Variants in DMPK observed in about 807,000 individuals in gnomAD.
The protein encoded by DMPK is myotonin-protein kinase.
Under a neutral mutation model 70.3 loss-of-function variants are expected in DMPK, and 32 were observed. The observed-to-expected ratio is 0.46, with a 90% CI of 0.34 to 0.61. DMPK has a LOEUF of 0.61. Ranked by LOEUF, DMPK falls within the 20% of genes least tolerant of loss-of-function variation. The pLI is 0.01. For missense variants in DMPK, 899 were observed against 886.0 expected, an observed-to-expected ratio of 1.01 and a Z score of -0.19; for synonymous variants, 469 against 390.9, an observed-to-expected ratio of 1.20 and a Z score of -2.36.
At position 45,777,138 on chromosome 19, in the gene DMPK, G is replaced by T; in HGVS notation, c.1146+189C>A. On this transcript the variant is annotated intron_variant, in intron 8 of 14. Coordinates refer to ENST00000291270, the MANE Select transcript of DMPK (RefSeq NM_004409.5). The surrounding 1 kb of genome is among the most constrained non-coding windows in gnomAD (Gnocchi z 6.7). ...TCTGGGGCCTTACTGTCTGAAGACT[G>T]CTCTGTGTTCCCCCACTGGACTGTA... The T allele has an allele frequency of 2.6e-6, 2 of 783,706 alleles. No individual in the cohort carries two copies. Among genetic ancestry groups the T allele is most frequent in the African/African-American group, 1.7e-5 (1 of 57,284 alleles). The allele number at this position is 783,706 out of a possible 1,614,324, so 48.5% of individuals were successfully genotyped here.
intron 11 of DMPK, 31 bp from the exon 12 acceptor site, chr19:45,771,696 C>T (rs757602115): frequency 1.9e-6 from 3 of 1,612,864 alleles, no homozygotes; most frequent in African/African-American, 1.3e-5. Flanking sequence ...TGAGTCCGTC[C>T]GGGCCGGACG....
intron 1 of DMPK, 41 bp downstream of exon 1, chr19:45,782,152 C>A (rs937862459): frequency 3.7e-6 from 4 of 1,078,330 alleles, no homozygotes; most frequent in Non-Finnish European, 3.8e-6. Flanking sequence ...TCCTGCCCCA[C>A]CCCCACCCCA....
At chr19:45,771,298 G>A (rs942992614) in intron 13 of DMPK, 52 bp downstream of exon 13, 1 of 1,554,330 alleles carries the variant, frequency 6.4e-7, no homozygotes, top group East Asian at 2.3e-5. Flanking sequence ...CCAGGGAGGG[G>A]ATCTGCAGAA....
chr19:45,778,319 C>G (rs1051400315), intron 5 of DMPK, 99 bp from the exon 6 acceptor site: 2 of 1,383,298 alleles, frequency 1.4e-6, no homozygotes, highest in Admixed American at 2.0e-5. Context: ...GACCCCACTT[C>G]CTCGGGTTCC....
At position 45,770,251 on chromosome 19, in the gene DMPK, AGCAGCAGCAGCAGC is replaced by A; in HGVS notation, c.*223_*236del. 1.5e-4 allele frequency: 65 copies of A among 438,874 alleles called. 3 individuals are homozygous for A. Among genetic ancestry groups the A allele is most frequent in the Non-Finnish European group, 1.8e-4 (54 of 294,284 alleles). The allele number at this position is 438,874 out of a possible 1,614,324, so 27.2% of individuals were successfully genotyped here. The stretch of plus-strand genomic sequence containing the variant: ...CAGCAGCAGCAGCAGCAGCAGCAGC[AGCAGCAGCAGCAGC>A]ATTCCCGGCTACAAGGACCCTTCGA... On this transcript the variant is annotated 3_prime_UTR_variant, in exon 15 of 15. Coordinates refer to ENST00000291270, the MANE Select transcript of DMPK (RefSeq NM_004409.5).
intron 9 of DMPK, among the ~76,000 whole-genome samples, chr19:45,773,971 T>C (rs1429576780): frequency 6.6e-6 from 1 of 151,336 alleles, no homozygotes; most frequent in African/African-American, 2.4e-5. Flanking sequence ...TTTTTTTTTT[T>C]TTGAGATGAA....
intron 9 of DMPK, among the ~76,000 whole-genome samples, chr19:45,774,557 C>T (rs930059949): frequency 6.6e-6 from 1 of 152,154 alleles, no homozygotes; most frequent in Non-Finnish European, 1.5e-5. Context: ...CCACCGCGGC[C>T]CGCCTAAATT....
chr19:45,770,411 G>A lies in DMPK; in HGVS notation c.*77C>T, dbSNP rs1969309818. ...CGGAGCGGTTGTGAACTGGCAGGCGGTGGGCGCGGCTTCTGTGCCGTGCCC... is the reference window on the plus strand; with the variant it reads ...CGGAGCGGTTGTGAACTGGCAGGCGATGGGCGCGGCTTCTGTGCCGTGCCC... On this transcript the variant is annotated 3_prime_UTR_variant, in exon 15 of 15. Coordinates refer to ENST00000291270, the MANE Select transcript of DMPK (RefSeq NM_004409.5). 3.3e-6 allele frequency: 5 copies of A among 1,508,650 alleles called. No individual in the cohort carries two copies. The South Asian group carries it at 6.0e-5, about 18-fold the overall frequency. 93.5% of individuals were successfully genotyped at this position (1,508,650 alleles called of 1,614,324 possible).
Position 45,782,175 on chromosome 19 carries a change from C to A in DMPK, c.160+18G>T. ...CACCCCCACCCCATCTGCAGGAGCC[C>A]CGAGGGTAGGCACTCACCCCACTGC... On this transcript the variant is annotated intron_variant, in intron 1 of 14. Transcript: ENST00000291270. The A allele has an allele frequency of 6.7e-7, 1 of 1,483,542 alleles. No homozygotes were observed. The highest frequency in any genetic ancestry group is 9.0e-7 in the Non-Finnish European group (1 of 1,111,472). 91.9% of individuals were successfully genotyped at this position (1,483,542 alleles called of 1,614,324 possible). A position where few individuals can be genotyped will look rare whatever the true frequency, so the allele number is the denominator to read the frequency against.
At chr19:45,778,028 A>T in intron 6 of DMPK, 99 bp downstream of exon 6, 2 of 1,254,992 alleles carry the variant, frequency 1.6e-6, no homozygotes, top group Non-Finnish European at 2.3e-6. Context: ...GGGTCACACC[A>T]CCTCTTTTCC....
chr19:45,780,634 C>T, intron 1 of DMPK: 1 of 1,001,568 alleles, frequency 1.0e-6, no homozygotes, highest in Non-Finnish European at 1.2e-6. Context: ...GAGGCCTGGA[C>T]TCCCGGGGGT....
Position 45,779,451 on chromosome 19 carries a change from C to T in DMPK, c.324G>A (p.Leu108=). The T allele has an allele frequency of 6.2e-7, 1 of 1,614,010 alleles. No homozygotes were observed. The highest frequency in any genetic ancestry group is 1.3e-5 in the African/African-American group (1 of 75,036). Residue 108 remains leucine, a synonymous_variant, in exon 3 of 15, where the codon CTG becomes CTA. Coordinates refer to ENST00000291270, the MANE Select transcript of DMPK (RefSeq NM_004409.5). ...AMKIMNKWDM[L]KRGEVSCFRE... ...CCCAGCCCCTCACCTCGCCCCTCTT[C>T]AGCATGTCCCACTTGTTCATGATCT...
chr19:45,774,547 C>A (rs1969670185), intron 9 of DMPK, among the ~76,000 whole-genome samples: 1 of 152,190 alleles, frequency 6.6e-6, no homozygotes, highest in Admixed American at 6.5e-5. Flanking sequence ...CAGGCGTGAG[C>A]CACCGCGGCC....
intron 1 of DMPK, chr19:45,780,140 T>G (rs879679028): frequency 7.0e-7 from 1 of 1,435,792 alleles, no homozygotes; most frequent in African/African-American, 1.4e-5. Flanking sequence ...ATGGTTAGGG[T>G]GGGGTAACGG....
chr19:45,773,344 C>CT (rs1216840906), intron 9 of DMPK, among the ~76,000 whole-genome samples: 1 of 152,196 alleles, frequency 6.6e-6, no homozygotes, highest in African/African-American at 2.4e-5. Flanking sequence ...GGGTTCAATC[C>CT]TGACCCACCG....
intron 6 of DMPK, 34 bp downstream of exon 6, chr19:45,778,093 C>T (rs1257515984): frequency 5.2e-6 from 8 of 1,549,416 alleles, no homozygotes; most frequent in Middle Eastern, 3.4e-4. Context: ...TCATCAGCAG[C>T]CCCAGTTGCT....
In DMPK at chr19:45,771,760, C is replaced by G; in HGVS notation, c.1502+11G>C. 1 of 1,582,602 alleles carries G rather than the reference C, an allele frequency of 6.3e-7. No individual in the cohort carries two copies. The highest frequency in any genetic ancestry group is 8.6e-7 in the Non-Finnish European group (1 of 1,163,908). On this transcript the variant is annotated intron_variant, in intron 11 of 14. Coordinates refer to ENST00000291270, the MANE Select transcript of DMPK (RefSeq NM_004409.5). ...CCGCATCCCGGCCCCGGCCCCGGCC[C>G]CGATCCCGACCTGGCGAAGTTCTGG...
chr19:45,778,802 C>A, intron 4 of DMPK, 161 bp from the exon 5 acceptor site: 1 of 728,898 alleles, frequency 1.4e-6, no homozygotes, highest in Non-Finnish European at 2.2e-6. Flanking sequence ...AATCAGAGAC[C>A]ACCTGCGGCC....
Position 45,771,829 on chromosome 19 carries a change from G to T in DMPK, c.1444C>A (p.Arg482=). ...QEALEEEVLT[R]QSLSREMEAI... is the part of the protein sequence containing the mutation. ...TCCATCTCCCGGCTCAGGCTCTGCCGGGTGAGCACCTCCTCCTCCAGGGCT... is the reference window on the plus strand; with the variant it reads ...TCCATCTCCCGGCTCAGGCTCTGCCTGGTGAGCACCTCCTCCTCCAGGGCT... Residue 482 remains arginine (R), a synonymous_variant, in exon 11 of 15, where the codon CGG becomes AGG. Coordinates refer to ENST00000291270, the MANE Select transcript of DMPK (RefSeq NM_004409.5). 1.3e-6 allele frequency: 2 copies of T among 1,573,008 alleles called. No homozygotes were observed. The highest frequency in any genetic ancestry group is 1.7e-6 in the Non-Finnish European group (2 of 1,159,266).
Sources: gnomAD v4.1 joint callset for allele counts (sites outside exome capture counted in the v4.1 genomes callset) on GRCh38, gnomAD v4.1.1 for gene constraint, Gnocchi (gnomAD v3.1) non-coding constraint, MANE v1.5 for transcripts, NCBI Gene and HGNC (gene_info 2026-07-23, HGNC 2026-07-21) for gene names.